Variants in USP9X observed in about 807,000 individuals in gnomAD.
USP9X encodes the protein ubiquitin carboxyl-terminal hydrolase 9X.
Under a neutral mutation model 190.3 loss-of-function variants are expected in USP9X, and 7 were observed. That is an observed-to-expected ratio of 0.04 (90% CI 0.02 to 0.07). The LOEUF (loss-of-function observed/expected upper bound fraction) is 0.07, where lower values mean the gene tolerates loss of function less well. USP9X is among the 10% of genes least tolerant of loss of function. The pLI is 1.00. For missense variants in USP9X, 1,010 were observed against 1,916.9 expected, an observed-to-expected ratio of 0.53 and a Z score of 8.83; for synonymous variants, 645 against 659.5, an observed-to-expected ratio of 0.98 and a Z score of 0.34.
At chrX:41,205,589 T>G in intron 32 of USP9X, 96 bp downstream of exon 32, 4 of 850,854 alleles carry the variant, frequency 4.7e-6, no homozygotes, top group Non-Finnish European at 6.4e-6. Flanking sequence ...GAAGGCATCT[T>G]TTTTTAAGCA....
chrX:41,130,754 C>G (rs1158095695), intron 3 of USP9X, among the ~76,000 whole-genome samples: 1 of 103,500 alleles, frequency 9.7e-6, no homozygotes, highest in African/African-American at 3.6e-5. Flanking sequence ...GAGACGGTGT[C>G]TCACTCTGTT....
Position 41,099,305 on chromosome X carries a change from A to G in USP9X, c.-159+13196A>G, listed in dbSNP as rs189675912. ...AGAATGTTGCCATGAACACTTTTGT[A>G]TATGTCTTTTGGTGGTCTTTTGCTG... is the stretch of plus-strand genomic sequence containing the variant. On this transcript the variant is annotated intron_variant, in intron 1 of 44. Transcript: ENST00000378308. Among the ~76,000 whole-genome samples the G allele has an allele frequency of 2.0e-4, 22 of 109,013 alleles. No individual in the cohort carries two copies. The East Asian group carries it at 4.9e-3, about 24-fold the overall frequency. 94.7% of individuals were successfully genotyped at this position (109,013 alleles called of 115,157 possible). A position where few individuals can be genotyped will look rare whatever the true frequency, so the allele number is the denominator to read the frequency against.
At position 41,143,480 on chromosome X, in the gene USP9X, A is replaced by T. The variant is rs758818732; in HGVS notation, c.1314+37A>T. On this transcript the variant is annotated intron_variant, in intron 10 of 44. Coordinates refer to ENST00000378308, the MANE Select transcript of USP9X (RefSeq NM_001039591.3). ...AAGATGATGGCTATTTAGTTTTTAAAATAAAGATACTAAAAACTGAAGAAA... is the reference window on the plus strand; with the variant it reads ...AAGATGATGGCTATTTAGTTTTTAATATAAAGATACTAAAAACTGAAGAAA... The T allele has an allele frequency of 3.6e-6, 4 of 1,098,781 alleles. No individual in the cohort carries two copies. In the South Asian group the frequency reaches 7.6e-5, roughly 21 times the overall value. 90.6% of individuals were successfully genotyped at this position (1,098,781 alleles called of 1,213,427 possible). A position where few individuals can be genotyped will look rare whatever the true frequency, so the allele number is the denominator to read the frequency against.
chrX:41,177,518 T>A, intron 21 of USP9X, among the ~76,000 whole-genome samples: 1 of 112,235 alleles, frequency 8.9e-6, no homozygotes, highest in East Asian at 2.8e-4. Flanking sequence ...TGTCACTGTG[T>A]CTTTGGTGAC....
At chrX:41,125,680 A>ACCCTCT (rs1270231301) in intron 2 of USP9X, among the ~76,000 whole-genome samples, 2 of 26,656 alleles carry the variant, frequency 7.5e-5, no homozygotes, top group Non-Finnish European at 1.4e-4. Context: ...ACACACACAC[A>ACCCTCT]CACACTCTCT....
rs748395272 is a variant in USP9X, at chrX:41,189,268, A to G, written c.3811-41A>G. 5.1e-6 allele frequency: 6 copies of G among 1,177,637 alleles called. No individual in the cohort carries two copies. In the East Asian group the frequency reaches 8.9e-5, roughly 18 times the overall value. On this transcript the variant is annotated intron_variant, in intron 25 of 44. Transcript: ENST00000378308. ...AGAAGTTGTGTGAGATTTTTCTTAAATACTTCTTTGGGTAATTTGTTCTTG... is the reference window on the plus strand; with the variant it reads ...AGAAGTTGTGTGAGATTTTTCTTAAGTACTTCTTTGGGTAATTTGTTCTTG...
intron 41 of USP9X, among the ~76,000 whole-genome samples, chrX:41,226,375 G>C (rs1192236916): frequency 2.7e-5 from 3 of 111,612 alleles, no homozygotes; most frequent in Non-Finnish European, 5.6e-5. Flanking sequence ...TATGGTATTA[G>C]TTGACAGCAC....
chrX:41,144,413 T>A, intron 10 of USP9X, 109 bp from the exon 11 acceptor site: 1 of 627,940 alleles, frequency 1.6e-6, no homozygotes, highest in African/African-American at 2.2e-5. Flanking sequence ...GTTACATAGT[T>A]AAATGAAGGA....
chrX:41,196,314 C>G lies in USP9X; in HGVS notation c.4041C>G (p.His1347Gln), dbSNP rs1430779932. The change falls in exon 27 of 45, where the codon CAC becomes CAG. Residue 1347 changes from histidine (H) to glutamine (Q), a missense_variant. Physicochemically the swap from His to Gln is conservative, Grantham distance 24. Around this residue, in one of 11 missense-constraint regions of USP9X, gnomAD observed 351 missense variants for 480.8 expected, o/e 0.73. Transcript: ENST00000378308. ...FLMCTRCCMG[H>Q]RPLLFFITLL... Reference sequence around the variant, plus strand: ...TGTGCACCAGATGTTGCATGGGACACCGGCCTCTACTTTTCTTCATTACTC... The same window carrying G: ...TGTGCACCAGATGTTGCATGGGACAGCGGCCTCTACTTTTCTTCATTACTC... The G allele has an allele frequency of 1.7e-6, 2 of 1,211,714 alleles. No homozygotes were observed. The highest frequency in any genetic ancestry group is 4.3e-5 in the Admixed American group (2 of 45,993).
At chrX:41,190,348 A>G (rs926562983) in intron 26 of USP9X, among the ~76,000 whole-genome samples, 1 of 110,775 alleles carries the variant, frequency 9.0e-6, no homozygotes, top group Non-Finnish European at 1.9e-5. Flanking sequence ...TTTAGAGTCT[A>G]AAGTGATTTA....
intron 15 of USP9X, 65 bp downstream of exon 15, chrX:41,162,942 C>G (rs760139811): frequency 3.2e-6 from 3 of 932,408 alleles, no homozygotes; most frequent in Non-Finnish European, 4.4e-6. Flanking sequence ...AATGAATAGA[C>G]TGTATAGCTT....
chrX:41,170,725 T>A, intron 20 of USP9X, 106 bp downstream of exon 20: 1 of 804,381 alleles, frequency 1.2e-6, no homozygotes, highest in Non-Finnish European at 1.7e-6. Context: ...GCTTACAGTT[T>A]AATGAGACAA....
In USP9X at chrX:41,123,547, C is replaced by A; in HGVS notation, c.-82C>A. ...AGACTGACAAATGCTGGTACTTCATCTTCTATAAGTGGACTATAATTTCTT... is the reference window on the plus strand; with the variant it reads ...AGACTGACAAATGCTGGTACTTCATATTCTATAAGTGGACTATAATTTCTT... On this transcript the variant is annotated 5_prime_UTR_variant, in exon 2 of 45. Transcript: ENST00000378308. 1 of 832,798 alleles carries A rather than the reference C, an allele frequency of 1.2e-6. No homozygotes were observed. Among genetic ancestry groups the A allele is most frequent in the Non-Finnish European group, 1.8e-6 (1 of 567,605 alleles). 68.6% of individuals were successfully genotyped at this position (832,798 alleles called of 1,213,427 possible).
At chrX:41,173,530 G>A (rs2062746732) in intron 21 of USP9X, among the ~76,000 whole-genome samples, 1 of 110,933 alleles carries the variant, frequency 9.0e-6, no homozygotes, top group African/African-American at 3.3e-5. Flanking sequence ...TAGTCCCATC[G>A]CCCACCAAAT....
chrX:41,086,131 G>A, intron 1 of USP9X, 22 bp downstream of exon 1: 1 of 296,627 alleles, frequency 3.4e-6, no homozygotes. Context: ...GCTGCACTGG[G>A]GCGACGCTCT....
At chrX:41,102,467 A>C (rs1218998683) in intron 1 of USP9X, among the ~76,000 whole-genome samples, 1 of 110,687 alleles carries the variant, frequency 9.0e-6, no homozygotes, top group East Asian at 2.8e-4. Context: ...AAAATACAAA[A>C]AATTAATTAG....
intron 9 of USP9X, 66 bp downstream of exon 9, chrX:41,141,497 T>G: frequency 3.8e-4 from 377 of 992,987 alleles, no homozygotes; most frequent in Non-Finnish European, 4.4e-4. Flanking sequence ...AGAATAGCTC[T>G]AGCTAAAAAA....
intron 32 of USP9X, 50 bp from the exon 33 acceptor site, chrX:41,210,459 T>C: frequency 8.6e-7 from 1 of 1,157,937 alleles, no homozygotes. Flanking sequence ...GTTGTACATA[T>C]TGTTCTGTGA....
intron 2 of USP9X, among the ~76,000 whole-genome samples, chrX:41,125,731 C>T (rs1286230337): frequency 3.8e-5 from 4 of 106,442 alleles, no homozygotes; most frequent in Admixed American, 9.9e-5. Context: ...CGCACGCGCG[C>T]GCGCTCTCTC....
Sources: allele counts gnomAD v4.1 joint callset (sites outside exome capture counted in the v4.1 genomes callset), GRCh38; gene constraint gnomAD v4.1.1; regional missense constraint gnomAD v4.1.1; transcripts MANE v1.5; gene names NCBI Gene and HGNC (gene_info 2026-07-23, HGNC 2026-07-21).